GRAMD2B: variants seen among roughly 807,000 people sequenced by gnomAD.
GRAMD2B encodes GRAM domain-containing protein 2B.
A neutral mutation model predicts 59.2 loss-of-function variants in GRAMD2B; 41 were observed. The observed-to-expected ratio is 0.69, with a 90% CI of 0.54 to 0.90. The LOEUF (loss-of-function observed/expected upper bound fraction) is 0.90, where lower values mean the gene tolerates loss of function less well. GRAMD2B is among the 40% of genes least tolerant of loss of function. The pLI, the probability that GRAMD2B is intolerant of heterozygous loss-of-function variation, is 0.00. For synonymous variants in GRAMD2B, 161 were observed against 182.7 expected (o/e 0.88, Z 0.96); for missense variants, 424 against 500.5 (o/e 0.85, Z 1.46).
At chr5:126,486,784 C>T (rs753962140) in intron 11 of GRAMD2B, 89 bp from the exon 12 acceptor site, 4 of 723,652 alleles carry the variant, frequency 5.5e-6, no homozygotes, top group Admixed American at 2.2e-5. Context: ...TACCTTGCCT[C>T]GGGTGTACCA....
At chr5:126,453,603 A>G (rs750246445) in intron 1 of GRAMD2B, among the ~76,000 whole-genome samples, 1 of 152,210 alleles carries the variant, frequency 6.6e-6, no homozygotes, top group Non-Finnish European at 1.5e-5. Flanking sequence ...GCATTTTACA[A>G]TTTACTTTGT....
At chr5:126,383,004 C>A (rs2149706973) in intron 1 of GRAMD2B, among the ~76,000 whole-genome samples, 2 of 152,250 alleles carry the variant, frequency 1.3e-5, no homozygotes, top group African/African-American at 4.8e-5. Context: ...AGGCTCTGGG[C>A]CGATACTGAG....
At chr5:126,481,315 T>C (rs1252958540) in intron 8 of GRAMD2B, among the ~76,000 whole-genome samples, 2 of 152,232 alleles carry the variant, frequency 1.3e-5, no homozygotes, top group Middle Eastern at 3.4e-3. Flanking sequence ...CCTTAGACTT[T>C]GTAAACCGTA....
chr5:126,419,694 C>T (rs1759555087), upstream of GRAMD2B, among the ~76,000 whole-genome samples: 1 of 152,156 alleles, frequency 6.6e-6, no homozygotes, highest in Admixed American at 6.5e-5. Context: ...TCCCACCCAC[C>T]AAAGGTGTTA....
At chr5:126,370,506 G>A (rs559112381), upstream of GRAMD2B, among the ~76,000 whole-genome samples, 11 of 152,332 alleles carry the variant, frequency 7.2e-5, no homozygotes, top group East Asian at 2.1e-3. Context: ...CGAGGGTGGA[G>A]GGACACTGAT....
In GRAMD2B at chr5:126,486,857, T is replaced by A. The variant is rs1362066947; in HGVS notation, c.1059-16T>A. The A allele has an allele frequency of 2.0e-6, 3 of 1,538,122 alleles. No homozygotes were observed. The highest frequency in any genetic ancestry group is 2.7e-6 in the Non-Finnish European group (3 of 1,111,652). On this transcript the variant is annotated splice_polypyrimidine_tract_variant and intron_variant, in intron 11 of 13. Coordinates refer to ENST00000285689, the MANE Select transcript of GRAMD2B (RefSeq NM_023927.4). ...GCCGTTAACCTAACGAAAGTTTCTC[T>A]TTCATCCGTTTCCAGTGTCTGTGCA... is the stretch of plus-strand genomic sequence containing the variant.
chr5:126,460,113 A>G (rs535474538), intron 1 of GRAMD2B, among the ~76,000 whole-genome samples: 30 of 152,304 alleles, frequency 2.0e-4, no homozygotes, highest in African/African-American at 7.0e-4. Context: ...GGGTACTGAA[A>G]GAACACCAAG....
At chr5:126,468,054 T>C (rs1768791734) in intron 2 of GRAMD2B, among the ~76,000 whole-genome samples, 1 of 152,238 alleles carries the variant, frequency 6.6e-6, no homozygotes, top group Non-Finnish European at 1.5e-5. Context: ...AGGAATAATA[T>C]TGTGAAATCA....
intron 9 of GRAMD2B, among the ~76,000 whole-genome samples, 187 bp from the exon 10 acceptor site, chr5:126,484,215 T>C (rs955668769): frequency 6.6e-6 from 1 of 152,216 alleles, no homozygotes; most frequent in African/African-American, 2.4e-5. Context: ...AGACTATCCT[T>C]ATATCACTTT....
At chr5:126,481,236 AAAG>A (rs1561599078) in intron 8 of GRAMD2B, among the ~76,000 whole-genome samples, 8 of 82,772 alleles carry the variant, frequency 9.7e-5, no homozygotes, top group East Asian at 2.2e-4. Flanking sequence ...AGAAAGAAAG[AAAG>A]AAAGAAAGAA....
intron 1 of GRAMD2B, among the ~76,000 whole-genome samples, chr5:126,389,139 A>G (rs149575758): frequency 3.7e-3 from 570 of 152,348 alleles, no homozygotes; most frequent in African/African-American, 0.012. Context: ...AATGTCGTCT[A>G]CATAACTTAT....
chr5:126,455,278 A>T (rs1316166290), intron 1 of GRAMD2B, among the ~76,000 whole-genome samples: 1 of 152,216 alleles, frequency 6.6e-6, no homozygotes, highest in Admixed American at 6.5e-5. Context: ...AAAGGTGGGC[A>T]TTTAATATCT....
At chr5:126,408,925 T>TA (rs1455892553) in intron 1 of GRAMD2B, among the ~76,000 whole-genome samples, 1 of 146,290 alleles carries the variant, frequency 6.8e-6, no homozygotes, top group African/African-American at 2.5e-5. Flanking sequence ...CACCTATGAG[T>TA]GAGAATATGC....
At chr5:126,444,383 T>G (rs986360344) in intron 1 of GRAMD2B, among the ~76,000 whole-genome samples, 1 of 152,208 alleles carries the variant, frequency 6.6e-6, no homozygotes, top group African/African-American at 2.4e-5. Flanking sequence ...CAAGGAGATG[T>G]TATGAATTAT....
At position 126,488,814 on chromosome 5, in the gene GRAMD2B, T is replaced by C; in HGVS notation, c.1179T>C (p.Ser393=). 3 of 1,613,088 alleles carry C rather than the reference T, an allele frequency of 1.9e-6. No homozygotes were observed. Among genetic ancestry groups the C allele is most frequent in the Non-Finnish European group, 2.5e-6 (3 of 1,179,182 alleles). The change falls in exon 13 of 14, where the codon TCT becomes TCC. Residue 393 remains serine, a synonymous_variant. Coordinates refer to ENST00000285689, the MANE Select transcript of GRAMD2B (RefSeq NM_023927.4). ...DTHNTEQAAP[S]GLRSQVQFNV... ...TTTCTTACAGACAGGCAGCACCATC[T>C]GGCCTGAGGTCACAAGTACAATTCA...
intron 1 of GRAMD2B, among the ~76,000 whole-genome samples, chr5:126,387,675 C>G (rs975417205): frequency 1.3e-5 from 2 of 151,970 alleles, no homozygotes; most frequent in African/African-American, 4.8e-5. Flanking sequence ...AGCACTAAGT[C>G]TCTCTTTTTT....
At chr5:126,384,535 C>T (rs1438471058) in intron 1 of GRAMD2B, among the ~76,000 whole-genome samples, 1 of 152,222 alleles carries the variant, frequency 6.6e-6, no homozygotes, top group African/African-American at 2.4e-5. Flanking sequence ...GAGGAGATCT[C>T]ACTTCAAACA....
At chr5:126,411,841 G>GGGGT (rs1554075529) in intron 1 of GRAMD2B, among the ~76,000 whole-genome samples, 2 of 148,768 alleles carry the variant, frequency 1.3e-5, no homozygotes, top group African/African-American at 5.0e-5. Context: ...ATATATTTCT[G>GGGGT]GTGTGTGTGT....
intron 1 of GRAMD2B, among the ~76,000 whole-genome samples, chr5:126,401,367 T>C (rs542377602): frequency 1.4e-4 from 21 of 152,188 alleles, no homozygotes; most frequent in Non-Finnish European, 2.6e-4. Context: ...AAGTTGTCTA[T>C]CTGTGCTGTT....
Sources: gnomAD v4.1 joint callset for allele counts (sites outside exome capture counted in the v4.1 genomes callset) on GRCh38, gnomAD v4.1.1 for gene constraint, MANE v1.5 for transcripts, NCBI Gene and HGNC (gene_info 2026-07-23, HGNC 2026-07-21) for gene names.